The following GRID2IP variants were observed in gnomAD, a reference collection of about 807,000 sequenced individuals.
GRID2IP encodes the protein Grid2 interacting protein, also known as delphilin.
A neutral mutation model predicts 114.3 loss-of-function variants in GRID2IP; 78 were observed. The ratio of observed to expected loss-of-function variants is 0.68; its 90% CI spans 0.57 to 0.82. The LOEUF (loss-of-function observed/expected upper bound fraction) is 0.82. GRID2IP is among the 40% of genes least tolerant of loss of function. GRID2IP has a pLI of 0.00. For synonymous variants in GRID2IP, 809 were observed against 724.0 expected (o/e 1.12, Z -1.89); for missense variants, 1,727 against 1,678.5 (o/e 1.03, Z -0.51).
chr7:6,534,174 C>T lies in GRID2IP; in HGVS notation c.584+5544G>A, dbSNP rs570664015. 1.3e-5 allele frequency among the ~76,000 whole-genome samples: 2 copies of T among 152,276 alleles called. No homozygotes were observed. Among genetic ancestry groups the T allele is most frequent in the Admixed American group, 1.3e-4 (2 of 15,288 alleles). On this transcript the variant is annotated intron_variant, in intron 2 of 21. Coordinates refer to ENST00000457091, the MANE Select transcript of GRID2IP (RefSeq NM_001145118.2). This position sits in a 1 kb window ranked among gnomAD's most constrained non-coding sequence, Gnocchi z 4.5. ...CAAACTGTAGATGTCAGTGAACCTG[C>T]CTGAGATTGCACTGCCAGTGAGTGG...
Position 6,551,326 on chromosome 7 carries a change from G to C in GRID2IP, c.111C>G (p.Ser37Arg). 1 of 1,546,920 alleles carries C rather than the reference G, an allele frequency of 6.5e-7. No individual in the cohort carries two copies. Among genetic ancestry groups the C allele is most frequent in the Non-Finnish European group, 8.7e-7 (1 of 1,146,612 alleles). Residue 37 changes from serine to arginine, a missense_variant, in exon 1 of 22, where the codon AGC (serine) becomes AGG (arginine). Physicochemically the swap from Ser to Arg is moderately radical, Grantham distance 110. Coordinates refer to ENST00000457091, the MANE Select transcript of GRID2IP (RefSeq NM_001145118.2). The stretch of plus-strand genomic sequence containing the variant: ...CTGGCCGCAGTCCTCCGGCATGCGC[G>C]CTGCTCCCCTTGGCCACCTCCAGGA... Reference protein sequence around the residue: ...CFVLEVAKGSSAHAGGLRPGD... With the variant: ...CFVLEVAKGSRAHAGGLRPGD...
chr7:6,497,012 C>T lies in GRID2IP; in HGVS notation c.*762G>A, dbSNP rs564581501. 2.4e-4 allele frequency among the ~76,000 whole-genome samples: 36 copies of T among 152,288 alleles called. No individual in the cohort carries two copies. Among genetic ancestry groups the T allele is most frequent in the Admixed American group, 9.2e-4 (14 of 15,296 alleles). ...ACTTGCTCCAGGGAACATCACCATC[C>T]GTCCAGGTGAGAAGTCTGGCAGTTG... is the stretch of plus-strand genomic sequence containing the variant. On this transcript the variant is annotated 3_prime_UTR_variant, in exon 22 of 22. Transcript: ENST00000457091.
intron 7 of GRID2IP, among the ~76,000 whole-genome samples, chr7:6,518,260 A>G (rs895616209): frequency 2.6e-5 from 4 of 151,994 alleles, no homozygotes; most frequent in Non-Finnish European, 4.4e-5. Flanking sequence ...TATACAAGAA[A>G]CTTCATGCCA....
At position 6,521,659 on chromosome 7, in the gene GRID2IP, A is replaced by T. The variant is rs1779414215; in HGVS notation, c.990-136T>A. The T allele has an allele frequency of 1.4e-6, 1 of 705,250 alleles. No homozygotes were observed. The allele number at this position is 705,250 out of a possible 1,614,324, so 43.7% of individuals were successfully genotyped here. On this transcript the variant is annotated intron_variant, in intron 5 of 21. Coordinates refer to ENST00000457091, the MANE Select transcript of GRID2IP (RefSeq NM_001145118.2). The surrounding 1 kb of genome is among the most constrained non-coding windows in gnomAD (Gnocchi z 4.1). ...GTGTGACTCTGTGTCCCCAGCATGG[A>T]GCTGGAGTATTTTCTGGTTGGAAGG...
In GRID2IP at chr7:6,497,785, G is replaced by C. The variant is rs759983756; in HGVS notation, c.3625C>G (p.Leu1209Val). The change falls in exon 22 of 22, where the codon CTG (leucine) becomes GTG (valine). Residue 1209 changes from leucine (L) to valine (V), a missense_variant. Physicochemically the swap from Leu to Val is conservative, Grantham distance 32 (BLOSUM62 1). Coordinates refer to ENST00000457091, the MANE Select transcript of GRID2IP (RefSeq NM_001145118.2). ...GLRSSGMVSP[L>V]AW Reference sequence around the variant, plus strand: ...CGGTGTGGCCACTGTCACCAGGCCAGGGGTGAAACCATCCCGGAGCTGCGC... The same window carrying C: ...CGGTGTGGCCACTGTCACCAGGCCACGGGTGAAACCATCCCGGAGCTGCGC... 36 of 1,549,834 alleles carry C rather than the reference G, an allele frequency of 2.3e-5. No homozygotes were observed. The highest frequency in any genetic ancestry group is 2.9e-5 in the Non-Finnish European group (33 of 1,146,606).
In GRID2IP at chr7:6,551,443, A is replaced by G. The variant is rs1779981089; in HGVS notation, c.-7T>C. On this transcript the variant is annotated 5_prime_UTR_variant, in exon 1 of 22. Coordinates refer to ENST00000457091, the MANE Select transcript of GRID2IP (RefSeq NM_001145118.2). ...GCGTGGCAGTGGTGGCCATGCACCT[A>G]GAACTGGAGACAGAACAGGGATTTC... The G allele has an allele frequency of 1.3e-6, 2 of 1,539,646 alleles. No homozygotes were observed. Among genetic ancestry groups the G allele is most frequent in the Non-Finnish European group, 1.8e-6 (2 of 1,141,924 alleles).
rs1306647047 is a variant in GRID2IP at position 6,510,918 on chromosome 7, G to T, written c.1545C>A (p.Gly515=). The part of the protein sequence containing the change: ...RSLRSQGLEA[G]LSCGPSECPE... ...TGACACCAGCCTTACCGCAGCTGAG[G>T]CCGGCCTCCAGGCCCTGGGACCGGA... Residue 515 remains glycine (G), a synonymous_variant, in exon 9 of 22, where the codon GGC becomes GGA. Coordinates refer to ENST00000457091, the MANE Select transcript of GRID2IP (RefSeq NM_001145118.2). The T allele has an allele frequency of 1.9e-6, 3 of 1,549,654 alleles. No homozygotes were observed. Among genetic ancestry groups the T allele is most frequent in the African/African-American group, 2.7e-5 (2 of 72,866 alleles).
chr7:6,510,959 T>G lies in GRID2IP; in HGVS notation c.1504A>C (p.Met502Leu), dbSNP rs1424300639. The change falls in exon 9 of 22, where the codon ATG becomes CTG. Residue 502 changes from methionine (M) to leucine (L), a missense_variant. Met to Leu is a conservative substitution (Grantham distance 15). Coordinates refer to ENST00000457091, the MANE Select transcript of GRID2IP (RefSeq NM_001145118.2). ...QPRSSLRASS[M>L]CRRSLRSQGL... ...TGGGACCGGAGGCTGCGGCGGCACATGGAGGAAGCCCGCAGGGAGCTCCGC... is the reference window on the plus strand; with the variant it reads ...TGGGACCGGAGGCTGCGGCGGCACAGGGAGGAAGCCCGCAGGGAGCTCCGC... The G allele has an allele frequency of 6.5e-7, 1 of 1,548,110 alleles. No individual in the cohort carries two copies. The highest frequency in any genetic ancestry group is 1.4e-5 in the African/African-American group (1 of 72,798).
At chr7:6,539,657 G>C (rs1779782191) in intron 2 of GRID2IP, 61 bp downstream of exon 2, 12 of 1,443,236 alleles carry the variant, frequency 8.3e-6, no homozygotes, top group Non-Finnish European at 1.1e-5. Flanking sequence ...TGGTTGTGAG[G>C]GAATGATGGC....
chr7:6,535,731 C>T (rs1191730476), intron 2 of GRID2IP, among the ~76,000 whole-genome samples: 1 of 152,058 alleles, frequency 6.6e-6, no homozygotes, highest in Non-Finnish European at 1.5e-5. Context: ...TGTCTCTCCT[C>T]AATGTGGGGT....
intron 7 of GRID2IP, among the ~76,000 whole-genome samples, chr7:6,515,457 T>C (rs1779276715): frequency 6.9e-6 from 1 of 145,590 alleles, no homozygotes. Flanking sequence ...CAAGACTCTG[T>C]CTCAAAAAAA....
At position 6,526,165 on chromosome 7, in the gene GRID2IP, G is replaced by T; in HGVS notation, c.919+59C>A. 2 of 1,367,406 alleles carry T rather than the reference G, an allele frequency of 1.5e-6. No individual in the cohort carries two copies. The highest frequency in any genetic ancestry group is 2.0e-6 in the Non-Finnish European group (2 of 980,350). The allele number at this position is 1,367,406 out of a possible 1,614,324, so 84.7% of individuals were successfully genotyped here. On this transcript the variant is annotated intron_variant, in intron 4 of 21. Transcript: ENST00000457091. The surrounding 1 kb of genome is among the most constrained non-coding windows in gnomAD (Gnocchi z 7.6). ...ACAATGACCCGGCAGAGCCACCACG[G>T]GGCCCTTCACCCCATCCTGGGCCTT... is the stretch of plus-strand genomic sequence containing the variant.
rs1779309593 is a variant in GRID2IP, at chr7:6,516,673, T to G, written c.1269-2144A>C. Among the ~76,000 whole-genome samples, 1 of 152,246 alleles carries G rather than the reference T, an allele frequency of 6.6e-6. No individual in the cohort carries two copies. Among genetic ancestry groups the G allele is most frequent in the South Asian group, 2.1e-4 (1 of 4,832 alleles). ...AGGCCTAACGCTGTCCCTGTGATGC[T>G]GTGCTTCAGTGGTCACGCTCCTGGT... On this transcript the variant is annotated intron_variant, in intron 7 of 21. Transcript: ENST00000457091. The surrounding 1 kb of genome is among the most constrained non-coding windows in gnomAD (Gnocchi z 4.3).
chr7:6,541,554 T>A (rs1779815429), intron 1 of GRID2IP, among the ~76,000 whole-genome samples: 1 of 152,066 alleles, frequency 6.6e-6, no homozygotes, highest in Admixed American at 6.6e-5. Context: ...CACACAGGAG[T>A]GTGTGGCCAT....
chr7:6,518,087 G>A (rs1779345662), intron 7 of GRID2IP, among the ~76,000 whole-genome samples: 1 of 151,644 alleles, frequency 6.6e-6, no homozygotes. Flanking sequence ...AAATTAGCTG[G>A]GCATGGTAGG....
In GRID2IP at chr7:6,526,910, G is replaced by A. The variant is rs1779525395; in HGVS notation, c.585-141C>T. 3 of 991,432 alleles carry A rather than the reference G, an allele frequency of 3.0e-6. No homozygotes were observed. In the Admixed American group the frequency reaches 1.3e-4, roughly 42 times the overall value. The allele number at this position is 991,432 out of a possible 1,614,324, so 61.4% of individuals were successfully genotyped here. On this transcript the variant is annotated intron_variant, in intron 2 of 21. Transcript: ENST00000457091. This position sits in a 1 kb window ranked among gnomAD's most constrained non-coding sequence, Gnocchi z 7.6. ...GAGTGGCGGAGGGCTGGGGGGATCG[G>A]GATGAGCAGCCGGTAGCACCCCAGT...
In GRID2IP at chr7:6,512,231, C is replaced by CTTTTTTTTTTTTTTTTTTTTTT. The variant is rs1002835555; in HGVS notation, c.1424-1193_1424-1192insAAAAAAAAAAAAAAAAAAAAAA. ...CACACCTGCCTTTTTTTCTTTTCTTCTTTTTTTTTTTTTTTTTTGTGACAG... is the reference window on the plus strand; with the variant it reads ...CACACCTGCCTTTTTTTCTTTTCTTCTTTTTTTTTTTTTTTTTTTTTTTTTTTTTTTTTTTTTTTTGTGACAG... On this transcript the variant is annotated intron_variant, in intron 8 of 21. Transcript: ENST00000457091. Among the ~76,000 whole-genome samples, 174 of 90,188 alleles carry CTTTTTTTTTTTTTTTTTTTTTT rather than the reference C, an allele frequency of 1.9e-3. 17 individuals carry two copies. Among genetic ancestry groups the CTTTTTTTTTTTTTTTTTTTTTT allele is most frequent in the African/African-American group, 3.2e-3 (70 of 21,712 alleles). The allele number at this position is 90,188 out of a possible 152,430, so 59.2% of individuals were successfully genotyped here.
Position 6,510,312 on chromosome 7 carries a change from G to C in GRID2IP, c.1742C>G (p.Pro581Arg), listed in dbSNP as rs1386986355. The change falls in exon 11 of 22, where the codon CCT becomes CGT. Residue 581 changes from proline to arginine, a missense_variant. Transcript: ENST00000457091. ...MGTVSKSRAS[P>R]PGPSPAVTTG... is the part of the protein sequence containing the mutation. The stretch of plus-strand genomic sequence containing the variant: ...GGTGACTGCTGGGCTGGGGCCTGGA[G>C]GGGAAGCCCGGGATTTGGACACGGT... 6.5e-7 allele frequency: 1 copy of C among 1,547,016 alleles called. No individual in the cohort carries two copies. The highest frequency in any genetic ancestry group is 1.4e-5 in the African/African-American group (1 of 72,778).
chr7:6,527,933 T>C (rs939877726), intron 2 of GRID2IP, among the ~76,000 whole-genome samples: 1 of 152,226 alleles, frequency 6.6e-6, no homozygotes, highest in Middle Eastern at 3.4e-3. Flanking sequence ...AATTTTTGTA[T>C]TTTTAGTAGA....
Sources: gnomAD v4.1 joint callset for allele counts (sites outside exome capture counted in the v4.1 genomes callset) on GRCh38, gnomAD v4.1.1 for gene constraint, Gnocchi (gnomAD v3.1) non-coding constraint, MANE v1.5 for transcripts, NCBI Gene and HGNC (gene_info 2026-07-23, HGNC 2026-07-21) for gene names.